Variants in MMP17 observed in about 807,000 individuals in gnomAD.
The protein encoded by MMP17 is matrix metallopeptidase 17, also known as matrix metalloproteinase-17.
Under a neutral mutation model 49.1 loss-of-function variants are expected in MMP17, and 54 were observed. That is an observed-to-expected ratio of 1.10 (90% CI 0.88 to 1.38). MMP17 has a LOEUF of 1.38. MMP17 is among the 40% of genes most tolerant of loss of function. The pLI, the probability that MMP17 is intolerant of heterozygous loss-of-function variation, is 0.00. For synonymous variants in MMP17, 397 were observed against 383.1 expected (o/e 1.04, Z -0.42); for missense variants, 837 against 853.7 (o/e 0.98, Z 0.24).
At chr12:131,844,746 G>A in intron 6 of MMP17, 1 of 301,246 alleles carries the variant, frequency 3.3e-6, no homozygotes, top group Admixed American at 4.4e-5. Flanking sequence ...CCACGTCGCT[G>A]TGAACACGCT....
rs1419960467 is a variant in MMP17, at chr12:131,845,281, C to T, written c.1052-16C>T. ...AGACCGTCTCTGCAGCCCGGCCCTCCCCTCTGTGCCCCCAGGCAAGTACTT... is the reference window on the plus strand; with the variant it reads ...AGACCGTCTCTGCAGCCCGGCCCTCTCCTCTGTGCCCCCAGGCAAGTACTT... On this transcript the variant is annotated splice_polypyrimidine_tract_variant and intron_variant, in intron 7 of 9. Transcript: ENST00000360564. 10 of 1,611,372 alleles carry T rather than the reference C, an allele frequency of 6.2e-6. No homozygotes were observed. The highest frequency in any genetic ancestry group is 1.7e-4 in the Middle Eastern group (1 of 6,052).
rs752074439 is a variant in MMP17 at position 131,844,003 on chromosome 12, G to A, written c.890G>A (p.Arg297Gln). The change falls in exon 6 of 10, where the codon CGG becomes CAG. Residue 297 changes from arginine (R) to glutamine (Q), a missense_variant. Arg to Gln is a conservative substitution (Grantham distance 43, BLOSUM62 1). Coordinates refer to ENST00000360564, the MANE Select transcript of MMP17 (RefSeq NM_016155.7). ...KVRVWQLYGV[R>Q]ESVSPTAQPE... ...TCCTCCTTGTCTCCCGCAGGTGTGC[G>A]GGAGTCTGTGTCTCCCACGGCGCAG... 1.6e-5 allele frequency: 25 copies of A among 1,559,478 alleles called. No homozygotes were observed. Among genetic ancestry groups the A allele is most frequent in the South Asian group, 7.1e-5 (6 of 85,030 alleles).
At chr12:131,844,816 G>T (rs748881987) in intron 6 of MMP17, 12 of 408,514 alleles carry the variant, frequency 2.9e-5, no homozygotes, top group Admixed American at 1.1e-4. Context: ...GTCCCGTGGC[G>T]TGGGTGTTTG....
Position 131,844,033 on chromosome 12 carries a change from A to T in MMP17, c.920A>T (p.Glu307Val). The change falls in exon 6 of 10, where the codon GAG becomes GTG. Residue 307 changes from glutamate (E) to valine (V), a missense_variant. Coordinates refer to ENST00000360564, the MANE Select transcript of MMP17 (RefSeq NM_016155.7). The stretch of plus-strand genomic sequence containing the variant: ...TCTGTGTCTCCCACGGCGCAGCCCG[A>T]GGAGCCTCCCCTGCTGCCGGAGCCC... Reference protein sequence around the residue: ...RESVSPTAQPEEPPLLPEPPD... With the variant: ...RESVSPTAQPVEPPLLPEPPD... The T allele has an allele frequency of 6.4e-7, 1 of 1,570,484 alleles. No homozygotes were observed. Among genetic ancestry groups the T allele is most frequent in the Admixed American group, 1.8e-5 (1 of 54,986 alleles).
In MMP17 at chr12:131,840,825, C is replaced by A. The variant is rs758252041; in HGVS notation, c.675C>A (p.Asp225Glu). The change falls in exon 4 of 10, where the codon GAC becomes GAA. Residue 225 changes from aspartate (D) to glutamate (E), a missense_variant. Transcript: ENST00000360564. ...HHHTAGDTHF[D>E]DDEAWTFRSS... ...ACACCGCCGGGGACACCCACTTTGA[C>A]GATGACGAGGCCTGGACCTTCCGCT... 2 of 1,606,904 alleles carry A rather than the reference C, an allele frequency of 1.2e-6. No individual in the cohort carries two copies. The highest frequency in any genetic ancestry group is 1.7e-6 in the Non-Finnish European group (2 of 1,179,340).
intron 1 of MMP17, among the ~76,000 whole-genome samples, chr12:131,834,764 CT>C (rs1220056995): frequency 6.6e-6 from 1 of 152,108 alleles, no homozygotes; most frequent in Non-Finnish European, 1.5e-5. Context: ...ACAAGCCCAC[CT>C]TGCCACCACC....
Position 131,844,056 on chromosome 12 carries a change from C to G in MMP17, c.943C>G (p.Pro315Ala), listed in dbSNP as rs1459949469. Residue 315 changes from proline to alanine, a missense_variant, in exon 6 of 10, where the codon CCC (proline) becomes GCC (alanine). By Grantham distance (27) the Pro-to-Ala change is conservative (BLOSUM62 -1). Transcript: ENST00000360564. ...CGAGGAGCCTCCCCTGCTGCCGGAG[C>G]CCCCAGACAACCGGTCCAGCGCCCC... ...QPEEPPLLPEPPDNRSSAPPR... is the reference protein window; with the variant it reads ...QPEEPPLLPEAPDNRSSAPPR... 1 of 1,567,472 alleles carries G rather than the reference C, an allele frequency of 6.4e-7. No individual in the cohort carries two copies. Among genetic ancestry groups the G allele is most frequent in the Non-Finnish European group, 8.6e-7 (1 of 1,158,872 alleles).
In MMP17 at chr12:131,846,049, A is replaced by C. The variant is rs1233981898; in HGVS notation, c.1204+600A>C. Among the ~76,000 whole-genome samples the C allele has an allele frequency of 6.6e-6, 1 of 152,146 alleles. No individual in the cohort carries two copies. ...ACAGGAAGCACTCCTTTTGCCTCCA[A>C]GTCTCCGGGAAGGGCAGGAAAGGGA... On this transcript the variant is annotated intron_variant, in intron 8 of 9. Transcript: ENST00000360564. This position sits in a 1 kb window ranked among gnomAD's most constrained non-coding sequence, Gnocchi z 4.6.
chr12:131,851,417 C>T lies in MMP17; in HGVS notation c.*143C>T, dbSNP rs1669823172. On this transcript the variant is annotated 3_prime_UTR_variant, in exon 10 of 10. Transcript: ENST00000360564. ...GGCACCGGAAGGCCAGCAGAGGGCA[C>T]TGTCCGCCAGGGCTGGGCAGGCTCA... The T allele has an allele frequency of 1.4e-6, 1 of 713,592 alleles. No individual in the cohort carries two copies. Among genetic ancestry groups the T allele is most frequent in the Non-Finnish European group, 2.0e-6 (1 of 500,038 alleles). The allele number at this position is 713,592 out of a possible 1,614,324, so 44.2% of individuals were successfully genotyped here. A position where few individuals can be genotyped will look rare whatever the true frequency, so the allele number is the denominator to read the frequency against.
Position 131,838,735 on chromosome 12 carries a change from C to A in MMP17, c.416C>A (p.Ser139Ter). 1 of 1,573,336 alleles carries A rather than the reference C, an allele frequency of 6.4e-7. No homozygotes were observed. The highest frequency in any genetic ancestry group is 1.2e-5 in the South Asian group (1 of 86,182). ...ACCAAGTGGAACAAGAGGAACCTGT[C>A]GTGGAGGTGGGTGTGTGGCCAGGGT... is the stretch of plus-strand genomic sequence containing the variant. The part of the protein sequence containing the change: ...APTKWNKRNL[S>*]WRVRTFPRDS... Residue 139 changes from serine to a stop codon, truncating the protein, a stop_gained, in exon 3 of 10, where the codon TCG becomes TAG. Transcript: ENST00000360564. LOFTEE classifies it high-confidence loss of function.
At position 131,849,946 on chromosome 12, in the gene MMP17, T is replaced by TTATTTCTTTAA; in HGVS notation, c.1349_1350insTATTTCTTTAA (p.Tyr451IlefsTer155). The TTATTTCTTTAA allele has an allele frequency of 6.2e-7, 1 of 1,614,012 alleles. No homozygotes were observed. Among genetic ancestry groups the TTATTTCTTTAA allele is most frequent in the Non-Finnish European group, 8.5e-7 (1 of 1,180,006 alleles). ...AGGACTTATTTCTTTAAGGACCAGC[T>TTATTTCTTTAA]GTACTGGCGCTACGATGACCACACG... On this transcript the variant is annotated frameshift_variant, in exon 9 of 10. Transcript: ENST00000360564. LOFTEE classifies it high-confidence loss of function.
intron 1 of MMP17, 58 bp downstream of exon 1, chr12:131,828,711 G>T: frequency 5.0e-6 from 1 of 198,662 alleles, no homozygotes; most frequent in East Asian, 1.3e-4. Context: ...GGGTCTCCGC[G>T]GGCCGGGTGG....
Position 131,838,605 on chromosome 12 carries a change from C to A in MMP17, c.293-7C>A. 1 of 1,607,784 alleles carries A rather than the reference C, an allele frequency of 6.2e-7. No homozygotes were observed. Among genetic ancestry groups the A allele is most frequent in the Non-Finnish European group, 8.5e-7 (1 of 1,177,478 alleles). On this transcript the variant is annotated splice_region_variant and splice_polypyrimidine_tract_variant and intron_variant, in intron 2 of 9. Coordinates refer to ENST00000360564, the MANE Select transcript of MMP17 (RefSeq NM_016155.7). ...GCTAGGCTCTGAGCTCCATGCTTTCCCTGCAGACGAGGCCACCCTGGCCCT... is the reference window on the plus strand; with the variant it reads ...GCTAGGCTCTGAGCTCCATGCTTTCACTGCAGACGAGGCCACCCTGGCCCT...
intron 8 of MMP17, among the ~76,000 whole-genome samples, chr12:131,848,701 G>T (rs1466491601): frequency 6.6e-6 from 1 of 152,158 alleles, no homozygotes. Context: ...CCTGGCTCGT[G>T]TCACTCAGCG....
intron 1 of MMP17, among the ~76,000 whole-genome samples, chr12:131,832,740 AG>A: frequency 6.6e-6 from 1 of 152,140 alleles, no homozygotes; most frequent in South Asian, 2.1e-4. Flanking sequence ...TGGACCCTGC[AG>A]TAATAAGCAA....
Position 131,838,705 on chromosome 12 carries a change from C to T in MMP17, c.386C>T (p.Ala129Val), listed in dbSNP as rs4964883. ...TQARRRRQAP[A>V]PTKWNKRNLS... The stretch of plus-strand genomic sequence containing the variant: ...GCTCGCAGGAGACGCCAGGCTCCAG[C>T]CCCCACCAAGTGGAACAAGAGGAAC... Residue 129 changes from alanine to valine, a missense_variant, in exon 3 of 10, where the codon GCC (alanine) becomes GTC (valine). Coordinates refer to ENST00000360564, the MANE Select transcript of MMP17 (RefSeq NM_016155.7). 3.8e-6 allele frequency: 6 copies of T among 1,598,594 alleles called. No homozygotes were observed. In the African/African-American group the frequency reaches 5.4e-5, roughly 14 times the overall value.
In MMP17 at chr12:131,849,901, T is replaced by A. The variant is rs1295160863; in HGVS notation, c.1304T>A (p.Phe435Tyr). The change falls in exon 9 of 10, where the codon TTC becomes TAC. Residue 435 changes from phenylalanine to tyrosine, a missense_variant. Coordinates refer to ENST00000360564, the MANE Select transcript of MMP17 (RefSeq NM_016155.7). ...SLPPGGIDAAFSWAHNDRTYF... is the reference protein window; with the variant it reads ...SLPPGGIDAAYSWAHNDRTYF... ...CCGCCTGGCGGCATCGACGCTGCCT[T>A]CTCCTGGGCCCACAATGACAGGACT... 6.2e-7 allele frequency: 1 copy of A among 1,614,048 alleles called. No homozygotes were observed. The highest frequency in any genetic ancestry group is 8.5e-7 in the Non-Finnish European group (1 of 1,180,008).
Position 131,828,412 on chromosome 12 carries a change from G to C in MMP17, c.-83G>C, listed in dbSNP as rs1886614742. 1 of 813,420 alleles carries C rather than the reference G, an allele frequency of 1.2e-6. No individual in the cohort carries two copies. Among genetic ancestry groups the C allele is most frequent in the Non-Finnish European group, 1.5e-6 (1 of 672,852 alleles). The allele number at this position is 813,420 out of a possible 1,614,324, so 50.4% of individuals were successfully genotyped here. A position where few individuals can be genotyped will look rare whatever the true frequency, so the allele number is the denominator to read the frequency against. On this transcript the variant is annotated 5_prime_UTR_variant, in exon 1 of 10. Coordinates refer to ENST00000360564, the MANE Select transcript of MMP17 (RefSeq NM_016155.7). ...GGGCTCAGTCCGGCGGGGGCGCCGCGGAGAGCGGAGGGCGCCGGGCTGCGG... is the reference window on the plus strand; with the variant it reads ...GGGCTCAGTCCGGCGGGGGCGCCGCCGAGAGCGGAGGGCGCCGGGCTGCGG...
At position 131,846,362 on chromosome 12, in the gene MMP17, G is replaced by GTTTGTTT. The variant is rs528087876; in HGVS notation, c.1204+937_1204+943dup. On this transcript the variant is annotated intron_variant, in intron 8 of 9. Coordinates refer to ENST00000360564, the MANE Select transcript of MMP17 (RefSeq NM_016155.7). The surrounding 1 kb of genome is among the most constrained non-coding windows in gnomAD (Gnocchi z 4.6). ...GCCTTGATTCAGGTCCCCTAGTCCT[G>GTTTGTTT]TTTGTTTTTTGTTTTTTGTTTTTTG... 8.3e-4 allele frequency among the ~76,000 whole-genome samples: 127 copies of GTTTGTTT among 152,144 alleles called. No individual in the cohort carries two copies. The highest frequency in any genetic ancestry group is 2.8e-3 in the African/African-American group (115 of 41,516).
Sources: allele counts gnomAD v4.1 joint callset (sites outside exome capture counted in the v4.1 genomes callset), GRCh38; gene constraint gnomAD v4.1.1; non-coding constraint Gnocchi (gnomAD v3.1); transcripts MANE v1.5; gene names NCBI Gene and HGNC (gene_info 2026-07-23, HGNC 2026-07-21).